The following TM4SF5 variants were observed in gnomAD, a reference collection of about 807,000 sequenced individuals.
TM4SF5 encodes transmembrane 4 L six family member 5, also known as transmembrane 4 L6 family member 5.
TM4SF5 carries 16 observed loss-of-function variants against 22.3 expected under a neutral mutation model. The observed-to-expected ratio is 0.72, with a 90% confidence interval of 0.49 to 1.09. The LOEUF (loss-of-function observed/expected upper bound fraction) is 1.09. Ranked by LOEUF, TM4SF5 falls within the 50% of genes least tolerant of loss-of-function variation. TM4SF5 has a pLI of 0.00. For synonymous variants in TM4SF5, 113 were observed against 109.6 expected, an observed-to-expected ratio of 1.03 and a Z score of -0.19; for missense variants, 249 against 266.1, an observed-to-expected ratio of 0.94 and a Z score of 0.45.
At chr17:4,772,650 G>A (rs543841433) in intron 1 of TM4SF5, among the ~76,000 whole-genome samples, 11 of 152,088 alleles carry the variant, frequency 7.2e-5, no homozygotes, top group East Asian at 5.8e-4. Flanking sequence ...CCCTCAAGTC[G>A]TCTTCCGGGA....
At chr17:4,781,662 G>A (rs1265482791) in intron 2 of TM4SF5, among the ~76,000 whole-genome samples, 13 of 150,704 alleles carry the variant, frequency 8.6e-5, no homozygotes, top group African/African-American at 2.9e-4. Context: ...GATTACAGGC[G>A]CCTGCCACCA....
intron 1 of TM4SF5, among the ~76,000 whole-genome samples, chr17:4,779,672 G>A (rs995426236): frequency 6.6e-6 from 1 of 152,136 alleles, no homozygotes. Flanking sequence ...CCTAGTAGAT[G>A]TTATTTTTTC....
chr17:4,778,872 A>G (rs1917250528), intron 1 of TM4SF5, among the ~76,000 whole-genome samples: 2 of 151,978 alleles, frequency 1.3e-5, no homozygotes, highest in South Asian at 2.1e-4. Flanking sequence ...TCTGGCCAAC[A>G]TGATGAAACC....
chr17:4,778,002 T>G (rs550503069), intron 1 of TM4SF5, among the ~76,000 whole-genome samples: 1 of 150,070 alleles, frequency 6.7e-6, no homozygotes, highest in African/African-American at 2.4e-5. Context: ...GCCATGATCA[T>G]GCCACTGCAC....
intron 1 of TM4SF5, among the ~76,000 whole-genome samples, chr17:4,778,899 T>C (rs1228247006): frequency 6.6e-6 from 1 of 151,242 alleles, no homozygotes; most frequent in African/African-American, 2.4e-5. Context: ...CTACTAAAAA[T>C]ACAAAAAATT....
At chr17:4,781,479 G>T (rs944490947) in intron 2 of TM4SF5, among the ~76,000 whole-genome samples, 8 of 151,636 alleles carry the variant, frequency 5.3e-5, no homozygotes, top group Non-Finnish European at 8.8e-5. Context: ...GCAAAACTCC[G>T]CCTCAAAAAA....
intron 1 of TM4SF5, among the ~76,000 whole-genome samples, chr17:4,772,508 A>AATTACC: frequency 1.3e-5 from 2 of 152,092 alleles, no homozygotes; most frequent in African/African-American, 4.8e-5. Flanking sequence ...AGAGCCAGGG[A>AATTACC]CTGCCCTCAC....
intron 1 of TM4SF5, among the ~76,000 whole-genome samples, chr17:4,779,616 T>G (rs1332116993): frequency 1.3e-5 from 2 of 152,012 alleles, no homozygotes; most frequent in East Asian, 3.8e-4. Flanking sequence ...TTGAGAAAAT[T>G]TGATGTCTTT....
At chr17:4,777,084 C>G (rs1250776763) in intron 1 of TM4SF5, among the ~76,000 whole-genome samples, 1 of 151,742 alleles carries the variant, frequency 6.6e-6, no homozygotes, top group Non-Finnish European at 1.5e-5. Context: ...GTAATCCCAG[C>G]TACTCGGAAG....
chr17:4,776,544 C>T lies in TM4SF5; in HGVS notation c.178-4245C>T, dbSNP rs150566256. Among the ~76,000 whole-genome samples, 5 of 152,276 alleles carry T rather than the reference C, an allele frequency of 3.3e-5. No individual in the cohort carries two copies. The South Asian group carries it at 8.3e-4, about 25-fold the overall frequency. ...TTTGAACTCCCAACCTTAGGTGATC[C>T]GCCTGCCTCGGCCTCCCAGAGTACT... On this transcript the variant is annotated intron_variant, in intron 1 of 4. Transcript: ENST00000270560.
At chr17:4,773,087 T>G (rs770992066) in intron 1 of TM4SF5, among the ~76,000 whole-genome samples, 7 of 151,966 alleles carry the variant, frequency 4.6e-5, no homozygotes, top group Admixed American at 1.3e-4. Flanking sequence ...GCATTTTCAG[T>G]AGAGACAGGG....
intron 2 of TM4SF5, among the ~76,000 whole-genome samples, 165 bp from the exon 3 acceptor site, chr17:4,782,338 C>T (rs1454573609): frequency 6.6e-6 from 1 of 152,104 alleles, no homozygotes; most frequent in African/African-American, 2.4e-5. Context: ...CTCAGCCTCC[C>T]AAAGTGCTGA....
intron 2 of TM4SF5, among the ~76,000 whole-genome samples, chr17:4,781,135 T>A (rs1479709083): frequency 8.0e-6 from 1 of 125,172 alleles, no homozygotes; most frequent in African/African-American, 3.1e-5. Flanking sequence ...AGCAGTGATT[T>A]AAAAAAAAAA....
At position 4,783,169 on chromosome 17, in the gene TM4SF5, C is replaced by G. The variant is rs1567709100; in HGVS notation, c.*41C>G. 1 of 1,519,470 alleles carries G rather than the reference C, an allele frequency of 6.6e-7. No homozygotes were observed. The highest frequency in any genetic ancestry group is 8.8e-7 in the Non-Finnish European group (1 of 1,135,744). The allele number at this position is 1,519,470 out of a possible 1,614,324, so 94.1% of individuals were successfully genotyped here. A position where few individuals can be genotyped will look rare whatever the true frequency, so the allele number is the denominator to read the frequency against. On this transcript the variant is annotated 3_prime_UTR_variant, in exon 5 of 5. Transcript: ENST00000270560. Reference sequence around the variant, plus strand: ...CGGGTTACACCTGCTCCTTCCTGGACGCTCACTCCCTTGCTCGCTAGAATA... The same window carrying G: ...CGGGTTACACCTGCTCCTTCCTGGAGGCTCACTCCCTTGCTCGCTAGAATA...
chr17:4,778,967 G>C (rs1186698558), intron 1 of TM4SF5, among the ~76,000 whole-genome samples: 1 of 149,184 alleles, frequency 6.7e-6, no homozygotes, highest in Non-Finnish European at 1.5e-5. Context: ...TGAGGCAGGA[G>C]AATCACTTGA....
intron 2 of TM4SF5, among the ~76,000 whole-genome samples, chr17:4,781,655 T>G (rs1917312628): frequency 6.6e-6 from 1 of 151,092 alleles, no homozygotes; most frequent in African/African-American, 2.4e-5. Context: ...TAGCTGGGAT[T>G]ACAGGCGCCT....
chr17:4,775,447 G>C, intron 1 of TM4SF5, among the ~76,000 whole-genome samples: 1 of 151,122 alleles, frequency 6.6e-6, no homozygotes, highest in South Asian at 2.1e-4. Flanking sequence ...TGTATTTTTA[G>C]TAGAGATGGG....
At chr17:4,779,055 C>T (rs78405763) in intron 1 of TM4SF5, among the ~76,000 whole-genome samples, 1 of 54,750 alleles carries the variant, frequency 1.8e-5, no homozygotes, top group Non-Finnish European at 4.0e-5. Flanking sequence ...GACTCCGTCT[C>T]AAAAAAAAAA....
At chr17:4,781,778 G>A (rs1174185476) in intron 2 of TM4SF5, among the ~76,000 whole-genome samples, 1 of 152,070 alleles carries the variant, frequency 6.6e-6, no homozygotes, top group Non-Finnish European at 1.5e-5. Context: ...GCCTCCCAAA[G>A]TGCTGGGATT....
Sources: allele counts gnomAD v4.1 joint callset (sites outside exome capture counted in the v4.1 genomes callset), GRCh38; gene constraint gnomAD v4.1.1; transcripts MANE v1.5; gene names NCBI Gene and HGNC (gene_info 2026-07-23, HGNC 2026-07-21).